Variants in PBX1 observed in about 807,000 individuals in gnomAD.
The protein encoded by PBX1 is pre-B-cell leukemia transcription factor 1.
In PBX1, 6 loss-of-function variants were observed where a neutral mutation model predicts 53.4. The observed-to-expected ratio is 0.11, with a 90% CI of 0.06 to 0.22. PBX1 has a LOEUF of 0.22. Among genes scored for constraint, PBX1 ranks in the 10% least tolerant of loss-of-function variants. The pLI is 1.00. For missense variants in PBX1, 251 were observed against 551.4 expected (o/e 0.46, Z 5.46); for synonymous variants, 204 against 212.3 (o/e 0.96, Z 0.34).
intron 2 of PBX1, among the ~76,000 whole-genome samples, chr1:164,867,633 A>C (rs894941472): frequency 4.6e-5 from 7 of 152,240 alleles, no homozygotes; most frequent in African/African-American, 1.7e-4. Context: ...GGGTTCACGA[A>C]ACATTTGCAG....
intron 3 of PBX1, among the ~76,000 whole-genome samples, chr1:164,795,492 A>G (rs1668734535): frequency 6.6e-6 from 1 of 152,258 alleles, no homozygotes; most frequent in Non-Finnish European, 1.5e-5. Context: ...CCATCAGTAC[A>G]GAAGCAAATT....
intron 2 of PBX1, among the ~76,000 whole-genome samples, chr1:164,768,935 C>A (rs1386731949): frequency 2.6e-5 from 4 of 152,156 alleles, no homozygotes; most frequent in African/African-American, 9.6e-5. Context: ...CGCCTGTAAT[C>A]CCCCAGCTAC....
intron 2 of PBX1, among the ~76,000 whole-genome samples, chr1:164,869,802 G>T (rs555566137): frequency 6.6e-6 from 1 of 152,336 alleles, no homozygotes; most frequent in Admixed American, 6.5e-5. Flanking sequence ...CACTGAGAAA[G>T]TGACATTTGA....
chr1:164,589,243 G>C (rs1042388264), intron 2 of PBX1, among the ~76,000 whole-genome samples: 27 of 152,084 alleles, frequency 1.8e-4, no homozygotes, highest in Non-Finnish European at 2.8e-4. Flanking sequence ...GGCTGAGAAA[G>C]GATTTTTGTT....
At position 164,585,033 on chromosome 1, in the gene PBX1, A is replaced by C. The variant is rs149212198; in HGVS notation, c.265+21722A>C. 4.6e-3 allele frequency among the ~76,000 whole-genome samples: 701 copies of C among 152,302 alleles called. 6 individuals are homozygous for C. The highest frequency in any genetic ancestry group is 7.3e-3 in the Non-Finnish European group (499 of 68,006). On this transcript the variant is annotated intron_variant, in intron 2 of 8. Coordinates refer to ENST00000420696, the MANE Select transcript of PBX1 (RefSeq NM_002585.4). Reference sequence around the variant, plus strand: ...CTGCTAGTAATAATAATAGTAATAAAATAAATAAAACCAGGAAGCTAAAAA... The same window carrying C: ...CTGCTAGTAATAATAATAGTAATAACATAAATAAAACCAGGAAGCTAAAAA...
At chr1:164,581,652 C>T (rs1034916645) in intron 2 of PBX1, among the ~76,000 whole-genome samples, 3 of 152,140 alleles carry the variant, frequency 2.0e-5, no homozygotes, top group African/African-American at 7.2e-5. Flanking sequence ...TCATATCACC[C>T]CAGGTCTTTG....
chr1:164,846,946 T>C lies in PBX1; in HGVS notation c.*270T>C, dbSNP rs1204969574. On this transcript the variant is annotated 3_prime_UTR_variant, in exon 9 of 9. Coordinates refer to ENST00000420696, the MANE Select transcript of PBX1 (RefSeq NM_002585.4). Reference sequence around the variant, plus strand: ...GTTTTCGTCATCTTCCCTGCCCCTGTGCCTCTGTCCTAGACTCCCGGGGTC... The same window carrying C: ...GTTTTCGTCATCTTCCCTGCCCCTGCGCCTCTGTCCTAGACTCCCGGGGTC... The C allele has an allele frequency of 2.2e-6, 3 of 1,341,450 alleles. No homozygotes were observed. In the African/African-American group the frequency reaches 4.4e-5, roughly 20 times the overall value. 83.1% of individuals were successfully genotyped at this position (1,341,450 alleles called of 1,614,324 possible).
chr1:164,842,795 AT>A (rs1379094903), intron 8 of PBX1, among the ~76,000 whole-genome samples: 1 of 152,166 alleles, frequency 6.6e-6, no homozygotes, highest in African/African-American at 2.4e-5. Flanking sequence ...GGTTTATGAC[AT>A]TAGCATTTCC....
chr1:164,724,687 T>A (rs1243282270), intron 2 of PBX1, among the ~76,000 whole-genome samples: 4 of 119,006 alleles, frequency 3.4e-5, no homozygotes, highest in Non-Finnish European at 6.8e-5. Context: ...TTTTTTTTTT[T>A]TTTTTTTTTT....
chr1:164,868,502 T>C (rs145533577), intron 2 of PBX1, among the ~76,000 whole-genome samples: 1 of 152,136 alleles, frequency 6.6e-6, no homozygotes, highest in Admixed American at 6.5e-5. Context: ...TCCCATGACC[T>C]CTGAAACCTG....
intron 2 of PBX1, among the ~76,000 whole-genome samples, chr1:164,883,406 T>C (rs1672707321): frequency 6.6e-6 from 1 of 152,254 alleles, no homozygotes; most frequent in African/African-American, 2.4e-5. Flanking sequence ...ATTATAATTA[T>C]TGCTTTATAT....
chr1:164,570,362 C>T (rs1653760243), intron 2 of PBX1, among the ~76,000 whole-genome samples: 1 of 152,080 alleles, frequency 6.6e-6, no homozygotes, highest in Admixed American at 6.5e-5. Flanking sequence ...TCCCCTTGTC[C>T]CCCACCCCCT....
intron 2 of PBX1, among the ~76,000 whole-genome samples, chr1:164,655,100 G>GTT (rs35954587): frequency 0.5 from 69,413 of 138,364 alleles, 18,805 homozygotes; most frequent in Non-Finnish European, 0.62. Context: ...TCTGATGTGT[G>GTT]TTTTTTTTTT....
chr1:164,802,691 C>A (rs759646106), intron 4 of PBX1, among the ~76,000 whole-genome samples: 1 of 152,142 alleles, frequency 6.6e-6, no homozygotes, highest in Non-Finnish European at 1.5e-5. Context: ...TTATGCCACT[C>A]AAGTCATTTC....
chr1:164,720,029 T>G (rs1464376621), intron 2 of PBX1, among the ~76,000 whole-genome samples: 1 of 152,188 alleles, frequency 6.6e-6, no homozygotes, highest in Non-Finnish European at 1.5e-5. Context: ...GCTTGCCCCG[T>G]GGGAAAATAC....
intron 2 of PBX1, among the ~76,000 whole-genome samples, chr1:164,729,398 A>G (rs968210069): frequency 6.6e-6 from 1 of 152,128 alleles, no homozygotes; most frequent in Non-Finnish European, 1.5e-5. Flanking sequence ...TTTATCATCC[A>G]AAAACATTTT....
intron 2 of PBX1, among the ~76,000 whole-genome samples, chr1:164,860,684 C>T (rs1360631130): frequency 2.0e-5 from 3 of 152,132 alleles, no homozygotes; most frequent in Non-Finnish European, 4.4e-5. Flanking sequence ...ATTTCTCCTT[C>T]CTGAAGTTAT....
intron 2 of PBX1, among the ~76,000 whole-genome samples, chr1:164,721,306 A>G (rs1157923254): frequency 1.3e-5 from 2 of 151,908 alleles, no homozygotes; most frequent in East Asian, 3.9e-4. Flanking sequence ...ACTGCTGCAT[A>G]TGAACCTGGG....
chr1:164,609,145 GTTCTT>G (rs973273757), intron 2 of PBX1, among the ~76,000 whole-genome samples: 4 of 151,852 alleles, frequency 2.6e-5, no homozygotes, highest in Non-Finnish European at 4.4e-5. Flanking sequence ...AGGCCTCTTT[GTTCTT>G]TTCTTTTCTT....
Sources: gnomAD v4.1 joint callset for allele counts (sites outside exome capture counted in the v4.1 genomes callset) on GRCh38, gnomAD v4.1.1 for gene constraint, MANE v1.5 for transcripts, NCBI Gene and HGNC (gene_info 2026-07-23, HGNC 2026-07-21) for gene names.